The following MYO16 variants were observed in gnomAD, a reference collection of about 807,000 sequenced individuals.
The protein encoded by MYO16 is myosin XVI.
MYO16 carries 94 observed loss-of-function variants against 205.3 expected under a neutral mutation model. That is an observed-to-expected ratio of 0.46 (90% CI 0.39 to 0.54). The LOEUF (loss-of-function observed/expected upper bound fraction) is 0.54. MYO16 is among the 20% of genes least tolerant of loss of function. The pLI is 0.00. For synonymous variants in MYO16, 988 were observed against 954.0 expected, an observed-to-expected ratio of 1.04 and a Z score of -0.66; for missense variants, 2,315 against 2,387.5, an observed-to-expected ratio of 0.97 and a Z score of 0.63.
At position 108,605,497 on chromosome 13, in the gene MYO16, G is replaced by A. The variant is rs112286238; in HGVS notation, c.-39+9258G>A. ...TGGGAAGTGATTGGATCATGAGGGC[G>A]GTTCCCCCATGCTGTTCTCATGATA... On this transcript the variant is annotated intron_variant, in intron 1 of 24. Coordinates refer to the MYO16 transcript ENST00000251041. 2.5e-3 allele frequency among the ~76,000 whole-genome samples: 381 copies of A among 152,214 alleles called. 3 individuals are homozygous for A. Among genetic ancestry groups the A allele is most frequent in the African/African-American group, 8.5e-3 (352 of 41,526 alleles).
intron 4 of MYO16, among the ~76,000 whole-genome samples, chr13:108,752,901 G>A (rs1250944049): frequency 1.6e-4 from 23 of 141,266 alleles, no homozygotes; most frequent in Non-Finnish European, 1.5e-5. Flanking sequence ...TCCTGACTTC[G>A]TGATCCACCT....
intron 22 of MYO16, among the ~76,000 whole-genome samples, chr13:109,011,775 G>A (rs1025649060): frequency 3.3e-5 from 5 of 152,014 alleles, no homozygotes; most frequent in African/African-American, 1.2e-4. Context: ...ACCTCCCAAA[G>A]TGCTGGGATT....
intron 9 of MYO16, among the ~76,000 whole-genome samples, chr13:108,838,504 A>C (rs895055292): frequency 8.7e-5 from 13 of 149,608 alleles, no homozygotes; most frequent in African/African-American, 3.2e-4. Context: ...TCTAGTAAAA[A>C]TTAAAAAAAA....
intron 16 of MYO16, among the ~76,000 whole-genome samples, chr13:108,939,457 G>A (rs1184023689): frequency 6.6e-6 from 1 of 152,102 alleles, no homozygotes; most frequent in African/African-American, 2.4e-5. Context: ...TCCTCTCCAG[G>A]ATTTGGGGTG....
At chr13:109,132,530 T>C (rs1876588874) in intron 31 of MYO16, among the ~76,000 whole-genome samples, 2 of 152,194 alleles carry the variant, frequency 1.3e-5, no homozygotes. Context: ...AGTGAATACA[T>C]GTTACAGAAA....
intron 22 of MYO16, among the ~76,000 whole-genome samples, chr13:109,010,982 C>T (rs1173616338): frequency 9.1e-6 from 1 of 110,170 alleles, no homozygotes; most frequent in Non-Finnish European, 2.0e-5. Context: ...TATATTTCTT[C>T]ACCTCCAGCC....
chr13:108,500,763 C>T, the MYO16 span, among the ~76,000 whole-genome samples: 13 of 152,276 alleles, frequency 8.5e-5, no homozygotes, highest in Non-Finnish European at 2.9e-5. Context: ...TTACAGTTGC[C>T]AGAGTGATTT....
chr13:108,883,165 G>A lies in MYO16; in HGVS notation c.1532G>A (p.Arg511Gln), dbSNP rs149581024. 11 of 1,613,702 alleles carry A rather than the reference G, an allele frequency of 6.8e-6. No individual in the cohort carries two copies. Among genetic ancestry groups the A allele is most frequent in the African/African-American group, 6.7e-5 (5 of 74,910 alleles). ...RAFHQLFREQ[R>Q]PQCFILSGER... ...TTTCACCAGCTCTTCCGGGAACAGC[G>A]GCCTCAGTGTTTCATCCTCAGGTGA... The change falls in exon 13 of 35, where the codon CGG becomes CAG. Residue 511 changes from arginine (R) to glutamine (Q), a missense_variant. Around this residue, in one of 3 missense-constraint regions of MYO16, gnomAD observed 1,213 missense variants for 1,274.4 expected, o/e 0.95. Coordinates refer to ENST00000457511, the MANE Select transcript of MYO16 (RefSeq NM_001198950.3).
chr13:108,562,916 T>A, the MYO16 span, among the ~76,000 whole-genome samples: 2,500 of 152,232 alleles, frequency 0.016, 57 homozygotes, highest in South Asian at 0.087. Context: ...GTTTGTGATA[T>A]CCATATGTAT....
At chr13:108,986,759 A>G (rs986903928) in intron 20 of MYO16, among the ~76,000 whole-genome samples, 3 of 152,152 alleles carry the variant, frequency 2.0e-5, no homozygotes, top group Middle Eastern at 3.4e-3. Context: ...TGAACTGCTC[A>G]CTTTCTTATC....
At chr13:108,767,128 A>G (rs2139668113) in intron 4 of MYO16, among the ~76,000 whole-genome samples, 1 of 151,874 alleles carries the variant, frequency 6.6e-6, no homozygotes, top group South Asian at 2.1e-4. Flanking sequence ...TGAGACAGGG[A>G]GTCTCTCTCT....
At chr13:109,116,187 C>T (rs1017968002) in intron 28 of MYO16, among the ~76,000 whole-genome samples, 1 of 152,164 alleles carries the variant, frequency 6.6e-6, no homozygotes, top group Non-Finnish European at 1.5e-5. Flanking sequence ...AATACCCAGG[C>T]ATTGCAACAA....
chr13:108,651,551 T>C (rs1261762092), intron 1 of MYO16, among the ~76,000 whole-genome samples: 1 of 152,186 alleles, frequency 6.6e-6, no homozygotes, highest in Non-Finnish European at 1.5e-5. Context: ...GTCATGTGTA[T>C]TGGTGTTATT....
intron 32 of MYO16, among the ~76,000 whole-genome samples, chr13:109,158,984 C>T (rs1566540741): frequency 1.3e-5 from 2 of 152,158 alleles, no homozygotes; most frequent in Non-Finnish European, 2.9e-5. Flanking sequence ...ACACTCAGCA[C>T]AGCCAAAGCA....
the MYO16 span, among the ~76,000 whole-genome samples, chr13:108,577,409 T>C: frequency 1.3e-5 from 2 of 152,188 alleles, no homozygotes; most frequent in South Asian, 2.1e-4. Flanking sequence ...ATAATACACA[T>C]AATAGAAGCT....
In MYO16 at chr13:108,753,284, C is replaced by T. The variant is rs371246147; in HGVS notation, c.507+25701C>T. Among the ~76,000 whole-genome samples the T allele has an allele frequency of 2.3e-4, 34 of 147,458 alleles. No homozygotes were observed. In the South Asian group the frequency reaches 6.8e-3, roughly 30 times the overall value. ...ACTTGGGAGGCTGAGGCAGGAGAATCGCTTGAAACTGGAAGGTGGAGGTTG... is the reference window on the plus strand; with the variant it reads ...ACTTGGGAGGCTGAGGCAGGAGAATTGCTTGAAACTGGAAGGTGGAGGTTG... On this transcript the variant is annotated intron_variant, in intron 4 of 34. Coordinates refer to ENST00000457511, the MANE Select transcript of MYO16 (RefSeq NM_001198950.3).
At chr13:108,682,538 G>A (rs1192067196) in intron 2 of MYO16, among the ~76,000 whole-genome samples, 2 of 152,064 alleles carry the variant, frequency 1.3e-5, no homozygotes, top group Non-Finnish European at 1.5e-5. Context: ...ACTAGTATAT[G>A]TAATCAATAG....
At chr13:108,539,550 A>G in the MYO16 span, among the ~76,000 whole-genome samples, 3 of 152,156 alleles carry the variant, frequency 2.0e-5, no homozygotes, top group Non-Finnish European at 2.9e-5. Flanking sequence ...ACGATCTGCT[A>G]AATAGTAGAT....
chr13:108,956,973 C>T (rs1883373949), intron 16 of MYO16, among the ~76,000 whole-genome samples: 2 of 152,070 alleles, frequency 1.3e-5, no homozygotes, highest in African/African-American at 2.4e-5. Flanking sequence ...CATAATCAAC[C>T]ATCTCATTAT....
Sources: allele counts gnomAD v4.1 joint callset (sites outside exome capture counted in the v4.1 genomes callset), GRCh38; gene constraint gnomAD v4.1.1; regional missense constraint gnomAD v4.1.1; transcripts MANE v1.5; gene names NCBI Gene and HGNC (gene_info 2026-07-23, HGNC 2026-07-21).